The following MTUS2 variants were observed in gnomAD, a reference collection of about 807,000 sequenced individuals.
MTUS2 encodes microtubule-associated tumor suppressor candidate 2.
Under a neutral mutation model 114.1 loss-of-function variants are expected in MTUS2, and 40 were observed. That is an observed-to-expected ratio of 0.35 (90% CI 0.27 to 0.46). The LOEUF is 0.46. MTUS2 is among the 20% of genes least tolerant of loss of function. MTUS2 has a pLI of 1.00. For missense variants in MTUS2, 1,679 were observed against 1,705.4 expected (o/e 0.98, Z 0.27); for synonymous variants, 688 against 672.0 (o/e 1.02, Z -0.37).
intron 5 of MTUS2, among the ~76,000 whole-genome samples, chr13:29,159,649 TA>T (rs397828215): frequency 3.4e-4 from 51 of 147,940 alleles, no homozygotes; most frequent in Middle Eastern, 3.5e-3. Flanking sequence ...AACTCAGCAG[TA>T]AAAAAAAAAA....
rs972953438 is a variant in MTUS2, at chr13:29,471,141, G to A, written c.3185-9009G>A. Among the ~76,000 whole-genome samples the A allele has an allele frequency of 7.2e-5, 11 of 152,098 alleles. No individual in the cohort carries two copies. In the East Asian group the frequency reaches 1.9e-3, roughly 27 times the overall value. Reference sequence around the variant, plus strand: ...GCAGCTCACTTGAGGTCAGGAGTTTGAGACCGGCCTGGCCAACATGGTGAA... The same window carrying A: ...GCAGCTCACTTGAGGTCAGGAGTTTAAGACCGGCCTGGCCAACATGGTGAA... On this transcript the variant is annotated intron_variant, in intron 9 of 15. Coordinates refer to ENST00000612955, the MANE Select transcript of MTUS2 (RefSeq NM_001033602.4).
chr13:29,103,935 C>G (rs949397579), intron 5 of MTUS2, among the ~76,000 whole-genome samples: 2 of 152,156 alleles, frequency 1.3e-5, no homozygotes, highest in Non-Finnish European at 2.9e-5. Flanking sequence ...ATGAGTGTTT[C>G]CTAGGCTAGC....
intron 2 of MTUS2, among the ~76,000 whole-genome samples, chr13:29,019,751 T>G (rs1196893312): frequency 1.3e-5 from 2 of 152,262 alleles, no homozygotes; most frequent in African/African-American, 4.8e-5. Flanking sequence ...TGCTTTCTTA[T>G]GACTCTAGAT....
At chr13:29,144,365 AT>A (rs200473116) in intron 5 of MTUS2, among the ~76,000 whole-genome samples, 13,675 of 142,512 alleles carry the variant, frequency 0.096, 738 homozygotes, top group South Asian at 0.23. Flanking sequence ...CTGGGGAATA[AT>A]TTTTTTTTTT....
chr13:29,046,420 T>G (rs1441145584), intron 4 of MTUS2, among the ~76,000 whole-genome samples: 1 of 152,180 alleles, frequency 6.6e-6, no homozygotes, highest in East Asian at 1.9e-4. Context: ...GTGTCTGGCC[T>G]TAGTTAGTCT....
chr13:29,244,009 A>T (rs967621638), intron 5 of MTUS2, among the ~76,000 whole-genome samples: 3 of 152,198 alleles, frequency 2.0e-5, no homozygotes, highest in African/African-American at 7.2e-5. Context: ...GGTGAACATG[A>T]GTATGTTTGT....
At chr13:29,460,431 A>G (rs1879401089) in intron 9 of MTUS2, among the ~76,000 whole-genome samples, 1 of 151,918 alleles carries the variant, frequency 6.6e-6, no homozygotes, top group Non-Finnish European at 1.5e-5. Context: ...AGGCATCAGC[A>G]ACTTGTTCTT....
At chr13:29,456,878 C>G (rs970109747) in intron 9 of MTUS2, among the ~76,000 whole-genome samples, 6 of 152,122 alleles carry the variant, frequency 3.9e-5, no homozygotes, top group Non-Finnish European at 8.8e-5. Flanking sequence ...TGGCTCACGC[C>G]TGTAATCCCA....
intron 2 of MTUS2, among the ~76,000 whole-genome samples, chr13:28,976,801 A>G (rs1229101779): frequency 6.6e-6 from 1 of 152,210 alleles, no homozygotes; most frequent in African/African-American, 2.4e-5. Context: ...TGTAAATGGC[A>G]TGGATGAATT....
intron 7 of MTUS2, among the ~76,000 whole-genome samples, chr13:29,328,032 G>A (rs952784626): frequency 1.3e-5 from 2 of 152,108 alleles, no homozygotes; most frequent in Admixed American, 6.6e-5. Flanking sequence ...AGCTGTATAT[G>A]TTCTTTGATA....
chr13:29,500,601 C>T (rs1273758272), intron 14 of MTUS2, among the ~76,000 whole-genome samples: 3 of 152,112 alleles, frequency 2.0e-5, no homozygotes, highest in African/African-American at 7.2e-5. Context: ...TAGATTTCCT[C>T]CCTCCATTGA....
At chr13:29,114,081 C>T (rs573071299) in intron 5 of MTUS2, among the ~76,000 whole-genome samples, 2 of 152,188 alleles carry the variant, frequency 1.3e-5, no homozygotes, top group South Asian at 4.1e-4. Flanking sequence ...TGATTGGAAG[C>T]TTCCTGAGGC....
chr13:29,148,388 T>A (rs1316884147), intron 5 of MTUS2, among the ~76,000 whole-genome samples: 1 of 16,478 alleles, frequency 6.1e-5, no homozygotes. Context: ...CAGACCCCAG[T>A]GTGTGTTGTT....
Position 29,325,567 on chromosome 13 carries a change from A to G in MTUS2, c.2905+856A>G, listed in dbSNP as rs199869941. Among the ~76,000 whole-genome samples the G allele has an allele frequency of 1.2e-3, 35 of 28,220 alleles. No homozygotes were observed. In the South Asian group the frequency reaches 0.023, roughly 19 times the overall value. 18.5% of individuals were successfully genotyped at this position (28,220 alleles called of 152,430 possible). A position where few individuals can be genotyped will look rare whatever the true frequency, so the allele number is the denominator to read the frequency against. ...AGAAGAAGGAAGAAGAGGAAGAAGA[A>G]GAAGAGGAGGAGGAAGAGGAAGAAG... On this transcript the variant is annotated intron_variant, in intron 7 of 15. Coordinates refer to ENST00000612955, the MANE Select transcript of MTUS2 (RefSeq NM_001033602.4).
chr13:29,466,747 C>T (rs759221260), intron 9 of MTUS2, among the ~76,000 whole-genome samples: 5 of 151,690 alleles, frequency 3.3e-5, no homozygotes, highest in Non-Finnish European at 5.9e-5. Flanking sequence ...TGTGGTGGTG[C>T]GTGTCTATAG....
At chr13:29,044,310 A>G (rs1887512773) in intron 4 of MTUS2, among the ~76,000 whole-genome samples, 1 of 151,744 alleles carries the variant, frequency 6.6e-6, no homozygotes, top group African/African-American at 2.4e-5. Flanking sequence ...TACTGTTCTT[A>G]TCTTTGGGTC....
At chr13:29,142,755 C>G (rs1892278232) in intron 5 of MTUS2, among the ~76,000 whole-genome samples, 1 of 152,066 alleles carries the variant, frequency 6.6e-6, no homozygotes, top group Admixed American at 6.5e-5. Context: ...GAGCCAAAGC[C>G]TGAAGGCCCA....
At chr13:29,294,495 G>T (rs1184941816) in intron 6 of MTUS2, among the ~76,000 whole-genome samples, 1 of 152,050 alleles carries the variant, frequency 6.6e-6, no homozygotes, top group Admixed American at 6.6e-5. Flanking sequence ...TATTTGTTAG[G>T]GGTTTTCAAG....
chr13:29,152,810 G>A (rs914646562), intron 5 of MTUS2, among the ~76,000 whole-genome samples: 1 of 152,068 alleles, frequency 6.6e-6, no homozygotes, highest in African/African-American at 2.4e-5. Context: ...TGCCATATTT[G>A]TCAGAAACCG....
Sources: gnomAD v4.1 joint callset for allele counts (sites outside exome capture counted in the v4.1 genomes callset) on GRCh38, gnomAD v4.1.1 for gene constraint, MANE v1.5 for transcripts, NCBI Gene and HGNC (gene_info 2026-07-23, HGNC 2026-07-21) for gene names.